Variants in ADGRL3 observed in about 807,000 individuals in gnomAD.
ADGRL3 encodes calcium-independent alpha-latrotoxin receptor 3.
ADGRL3 carries 62 observed loss-of-function variants against 153.5 expected under a neutral mutation model. The observed-to-expected ratio is 0.40, with a 90% CI of 0.33 to 0.50. The LOEUF is 0.50. Ranked by LOEUF, ADGRL3 falls within the 20% of genes least tolerant of loss-of-function variation. The probability of loss-of-function intolerance (pLI) is 0.47; values close to 1 mark genes in which losing one functional copy is unlikely to be tolerated. For synonymous variants in ADGRL3, 710 were observed against 672.5 expected, an observed-to-expected ratio of 1.06 and a Z score of -0.86; for missense variants, 1,641 against 1,859.4, an observed-to-expected ratio of 0.88 and a Z score of 2.16.
At chr4:61,519,937 C>A (rs552899438) in intron 4 of ADGRL3, among the ~76,000 whole-genome samples, 1 of 152,156 alleles carries the variant, frequency 6.6e-6, no homozygotes, top group Admixed American at 6.5e-5. Flanking sequence ...ATATATTAAC[C>A]TCTGTTCGTT....
chr4:61,813,393 AAAAT>A (rs149325961), intron 8 of ADGRL3, among the ~76,000 whole-genome samples: 235 of 152,224 alleles, frequency 1.5e-3, no homozygotes, highest in African/African-American at 5.1e-3. Context: ...ATTCCATTTC[AAAAT>A]AAATAAATAA....
intron 2 of ADGRL3, among the ~76,000 whole-genome samples, chr4:61,456,252 A>G (rs2152545022): frequency 6.6e-6 from 1 of 150,708 alleles, no homozygotes; most frequent in South Asian, 2.1e-4. Context: ...AATAATTTTC[A>G]TAAGTAATAG....
At chr4:61,399,078 A>G (rs1023314766) in intron 2 of ADGRL3, among the ~76,000 whole-genome samples, 45 of 151,780 alleles carry the variant, frequency 3.0e-4, no homozygotes, top group African/African-American at 1.1e-3. Flanking sequence ...GGACAGGACA[A>G]TCCTTTACTT....
chr4:61,753,501 CA>C (rs1554021041), intron 8 of ADGRL3, among the ~76,000 whole-genome samples: 1 of 152,120 alleles, frequency 6.6e-6, no homozygotes, highest in Non-Finnish European at 1.5e-5. Context: ...ATATTCCTAA[CA>C]AGAACCTGAG....
In ADGRL3 at chr4:61,696,884, T is replaced by A. The variant is rs2095653289; in HGVS notation, c.583+19949T>A. ...TAGAGACGAGGTTTCACCATGTTGGTGAGGCTGGTCTCGAACTCCTGACCT... is the reference window on the plus strand; with the variant it reads ...TAGAGACGAGGTTTCACCATGTTGGAGAGGCTGGTCTCGAACTCCTGACCT... On this transcript the variant is annotated intron_variant, in intron 6 of 26. Transcript: ENST00000683033. Among the ~76,000 whole-genome samples, 5 of 152,002 alleles carry A rather than the reference T, an allele frequency of 3.3e-5. No homozygotes were observed. In the South Asian group the frequency reaches 1.0e-3, roughly 32 times the overall value.
intron 2 of ADGRL3, among the ~76,000 whole-genome samples, chr4:61,403,064 A>G (rs2096950460): frequency 1.2e-5 from 1 of 83,618 alleles, no homozygotes; most frequent in Admixed American, 1.5e-4. Flanking sequence ...CTTTGTGTGC[A>G]CACAGGGAGC....
chr4:61,548,328 G>C (rs2098723650), intron 4 of ADGRL3, among the ~76,000 whole-genome samples: 1 of 151,844 alleles, frequency 6.6e-6, no homozygotes, highest in Admixed American at 6.6e-5. Flanking sequence ...AATTGCTTTT[G>C]ATGATCTTCA....
At chr4:61,551,253 C>T (rs2098739167) in intron 4 of ADGRL3, among the ~76,000 whole-genome samples, 2 of 151,924 alleles carry the variant, frequency 1.3e-5, no homozygotes. Context: ...TATTTAGCAA[C>T]CTATTAAAGG....
intron 11 of ADGRL3, among the ~76,000 whole-genome samples, chr4:61,908,325 A>C (rs1332875749): frequency 6.6e-6 from 1 of 152,128 alleles, no homozygotes; most frequent in Non-Finnish European, 1.5e-5. Context: ...GGCCGGGCGT[A>C]GTGGCTCATG....
intron 1 of ADGRL3, among the ~76,000 whole-genome samples, chr4:61,347,397 A>G (rs1231845221): frequency 6.6e-6 from 1 of 152,022 alleles, no homozygotes; most frequent in Non-Finnish European, 1.5e-5. Context: ...CATTATGGAT[A>G]TAATAGAGCA....
chr4:61,598,516 G>T (rs980133703), intron 5 of ADGRL3, among the ~76,000 whole-genome samples: 1 of 152,122 alleles, frequency 6.6e-6, no homozygotes, highest in Non-Finnish European at 1.5e-5. Flanking sequence ...TTAATCTGTT[G>T]TACTATAATT....
In ADGRL3 at chr4:61,954,628, G is replaced by C. The variant is rs958162142; in HGVS notation, c.2805+6352G>C. 4.6e-5 allele frequency among the ~76,000 whole-genome samples: 7 copies of C among 151,926 alleles called. No homozygotes were observed. In the South Asian group the frequency reaches 1.5e-3, roughly 32 times the overall value. On this transcript the variant is annotated intron_variant, in intron 17 of 26. Coordinates refer to ENST00000683033, the MANE Select transcript of ADGRL3 (RefSeq NM_001387552.1). Reference sequence around the variant, plus strand: ...ATCCTCTCCTACCACTGTTCCCCTTGCTCACCTGCTCTAGCCACTGGCCTC... The same window carrying C: ...ATCCTCTCCTACCACTGTTCCCCTTCCTCACCTGCTCTAGCCACTGGCCTC...
chr4:61,655,917 T>C (rs1215374266), intron 5 of ADGRL3, among the ~76,000 whole-genome samples: 1 of 152,182 alleles, frequency 6.6e-6, no homozygotes, highest in East Asian at 1.9e-4. Flanking sequence ...ATATTCTAGA[T>C]ATATTTGGAA....
intron 9 of ADGRL3, among the ~76,000 whole-genome samples, chr4:61,869,171 T>C (rs917656114): frequency 1.3e-5 from 2 of 152,172 alleles, no homozygotes; most frequent in Non-Finnish European, 2.9e-5. Context: ...CTTGAACTCC[T>C]GGGCTCAAGC....
chr4:61,710,294 G>A (rs2095945624), intron 6 of ADGRL3, among the ~76,000 whole-genome samples: 3 of 152,134 alleles, frequency 2.0e-5, no homozygotes, highest in Admixed American at 2.0e-4. Flanking sequence ...ATAAAGAAAA[G>A]CTAATGGGGA....
At chr4:61,654,646 C>T (rs925644352) in intron 5 of ADGRL3, among the ~76,000 whole-genome samples, 1 of 152,050 alleles carries the variant, frequency 6.6e-6, no homozygotes, top group Non-Finnish European at 1.5e-5. Context: ...AGCCTGTAAT[C>T]CCCGCACTTT....
intron 2 of ADGRL3, among the ~76,000 whole-genome samples, chr4:61,475,853 G>T (rs775456234): frequency 7.9e-5 from 12 of 152,110 alleles, no homozygotes; most frequent in Non-Finnish European, 1.6e-4. Flanking sequence ...AAGCGTATGT[G>T]TAGATCATGT....
At chr4:61,675,805 A>G (rs1580223321) in intron 5 of ADGRL3, among the ~76,000 whole-genome samples, 1 of 151,914 alleles carries the variant, frequency 6.6e-6, no homozygotes, top group East Asian at 1.9e-4. Flanking sequence ...TTGTGCTACA[A>G]ACAATCCATT....
intron 5 of ADGRL3, among the ~76,000 whole-genome samples, chr4:61,613,465 C>T (rs1281161335): frequency 1.3e-5 from 2 of 152,110 alleles, no homozygotes; most frequent in African/African-American, 4.8e-5. Context: ...AGTCCTGAGC[C>T]TGATGCAGTG....
Sources: allele counts gnomAD v4.1 joint callset (sites outside exome capture counted in the v4.1 genomes callset), GRCh38; gene constraint gnomAD v4.1.1; transcripts MANE v1.5; gene names NCBI Gene and HGNC (gene_info 2026-07-23, HGNC 2026-07-21).